The following PTPRZ1 variants were observed in gnomAD, a reference collection of about 807,000 sequenced individuals.
PTPRZ1 encodes protein tyrosine phosphatase receptor type Z1.
PTPRZ1 carries 82 observed loss-of-function variants against 214.1 expected under a neutral mutation model. That is an observed-to-expected ratio of 0.38 (90% CI 0.32 to 0.46). The LOEUF is 0.46. PTPRZ1 is among the 20% of genes least tolerant of loss of function. The pLI is 1.00. For synonymous variants in PTPRZ1, 945 were observed against 987.9 expected (o/e 0.96, Z 0.81); for missense variants, 2,603 against 2,748.7 (o/e 0.95, Z 1.19).
intron 9 of PTPRZ1, among the ~76,000 whole-genome samples, chr7:121,997,423 T>C (rs767019207): frequency 1.3e-5 from 2 of 152,190 alleles, no homozygotes; most frequent in Non-Finnish European, 2.9e-5. Context: ...GTGAAATAAA[T>C]AGTAATAAAA....
At chr7:121,896,835 A>T (rs1305260423) in intron 1 of PTPRZ1, among the ~76,000 whole-genome samples, 2 of 152,062 alleles carry the variant, frequency 1.3e-5, no homozygotes, top group South Asian at 2.1e-4. Context: ...TCACAGAAAA[A>T]TAAATACTGT....
At chr7:121,927,428 T>A (rs1795798050) in intron 1 of PTPRZ1, among the ~76,000 whole-genome samples, 1 of 152,226 alleles carries the variant, frequency 6.6e-6, no homozygotes, top group Non-Finnish European at 1.5e-5. Flanking sequence ...TTTTGAATTA[T>A]GCAGAGTGAG....
At chr7:121,958,338 G>A (rs1796773636) in intron 2 of PTPRZ1, among the ~76,000 whole-genome samples, 2 of 152,146 alleles carry the variant, frequency 1.3e-5, no homozygotes, top group Admixed American at 1.3e-4. Context: ...GATACTCATT[G>A]TTGAAACCAT....
rs1293537425 is a variant in PTPRZ1 at position 121,970,599 on chromosome 7, T to C, written c.305-1942T>C. Among the ~76,000 whole-genome samples, 11 of 152,340 alleles carry C rather than the reference T, an allele frequency of 7.2e-5. No homozygotes were observed. In the East Asian group the frequency reaches 2.1e-3, roughly 29 times the overall value. ...GTGTCTGTTGGCTGCATAAATGTCT[T>C]CTTTTGAGAAGTGTCTGTTTATATC... On this transcript the variant is annotated intron_variant, in intron 3 of 29. Coordinates refer to ENST00000393386, the MANE Select transcript of PTPRZ1 (RefSeq NM_002851.3).
chr7:122,043,934 A>C (rs141463860), intron 22 of PTPRZ1, among the ~76,000 whole-genome samples: 1 of 152,206 alleles, frequency 6.6e-6, no homozygotes, highest in African/African-American at 2.4e-5. Context: ...AAAAAATAAC[A>C]TTCTGGTCAT....
At chr7:121,989,326 C>A (rs1797869524) in intron 8 of PTPRZ1, among the ~76,000 whole-genome samples, 1 of 150,986 alleles carries the variant, frequency 6.6e-6, no homozygotes, top group Non-Finnish European at 1.5e-5. Context: ...ACTCAATAAG[C>A]ATTTATTATC....
At chr7:121,980,616 G>A (rs976733856) in intron 6 of PTPRZ1, among the ~76,000 whole-genome samples, 4 of 152,220 alleles carry the variant, frequency 2.6e-5, no homozygotes, top group African/African-American at 9.6e-5. Context: ...CTAAGATTCA[G>A]TTGTTAATTC....
intron 1 of PTPRZ1, among the ~76,000 whole-genome samples, chr7:121,920,949 C>T (rs1024052048): frequency 6.6e-6 from 1 of 151,956 alleles, no homozygotes; most frequent in South Asian, 2.1e-4. Flanking sequence ...TAAGTAAAGT[C>T]CAAATTTATT....
chr7:122,059,994 C>A, intron 29 of PTPRZ1, 106 bp downstream of exon 29: 1 of 1,110,164 alleles, frequency 9.0e-7, no homozygotes, highest in Non-Finnish European at 1.3e-6. Flanking sequence ...TAACTGATAA[C>A]ATTAGTATGT....
Position 122,028,619 on chromosome 7 carries a change from C to T in PTPRZ1, c.5056C>T (p.Pro1686Ser). The T allele has an allele frequency of 6.5e-7, 1 of 1,539,606 alleles. No homozygotes were observed. Among genetic ancestry groups the T allele is most frequent in the South Asian group, 1.1e-5 (1 of 89,530 alleles). The change falls in exon 14 of 30, where the codon CCA becomes TCA. Residue 1686 changes from proline to serine, a missense_variant. Around this residue, in one of 6 missense-constraint regions of PTPRZ1, gnomAD observed 1,913 missense variants for 1,914.3 expected, o/e 1.00. Transcript: ENST00000393386. ...ATCCCCTAGAGTTATATCCACACCTCCAACACCTATCTTTCCAATTTCAGG... is the reference window on the plus strand; with the variant it reads ...ATCCCCTAGAGTTATATCCACACCTTCAACACCTATCTTTCCAATTTCAGG... ...STSPRVISTP[P>S]TPIFPISDDV...
chr7:121,967,830 A>C, intron 2 of PTPRZ1, 121 bp from the exon 3 acceptor site: 1 of 686,134 alleles, frequency 1.5e-6, no homozygotes, highest in Non-Finnish European at 2.4e-6. Context: ...ATTAGTTCAA[A>C]GATGTCAAAC....
chr7:122,059,655 C>A, intron 28 of PTPRZ1, 98 bp from the exon 29 acceptor site: 2 of 1,335,250 alleles, frequency 1.5e-6, no homozygotes, highest in Non-Finnish European at 2.0e-6. Context: ...TCAGTGTTTT[C>A]ACTGCAAAGT....
intron 3 of PTPRZ1, 67 bp downstream of exon 3, chr7:121,968,197 T>G (rs1797102350): frequency 7.3e-7 from 1 of 1,377,674 alleles, no homozygotes; most frequent in South Asian, 1.5e-5. Context: ...TAGACTAGTT[T>G]CATCTCATTT....
At chr7:122,051,595 T>G (rs1305007711) in intron 24 of PTPRZ1, 74 bp downstream of exon 24, 1 of 1,289,032 alleles carries the variant, frequency 7.8e-7, no homozygotes, top group African/African-American at 1.5e-5. Context: ...TGGCAATATT[T>G]GTATACCTTT....
intron 3 of PTPRZ1, among the ~76,000 whole-genome samples, chr7:121,968,506 A>T (rs1358433529): frequency 2.0e-5 from 3 of 152,102 alleles, no homozygotes; most frequent in African/African-American, 7.2e-5. Flanking sequence ...CAGTATTTGG[A>T]TATGAAAAAA....
chr7:121,972,527 A>G lies in PTPRZ1; in HGVS notation c.305-14A>G, dbSNP rs1797286044. On this transcript the variant is annotated splice_polypyrimidine_tract_variant and intron_variant, in intron 3 of 29. Transcript: ENST00000393386. ...TTTTCAGAAGCTTAGGTGCAATTGT[A>G]TTTCTTTTTTTAGTGGAAATTAATC... The G allele has an allele frequency of 1.3e-6, 2 of 1,584,472 alleles. No homozygotes were observed. The highest frequency in any genetic ancestry group is 1.7e-6 in the Non-Finnish European group (2 of 1,168,594).
At chr7:122,052,523 C>T (rs1048914901) in intron 25 of PTPRZ1, among the ~76,000 whole-genome samples, 17 of 152,250 alleles carry the variant, frequency 1.1e-4, no homozygotes, top group African/African-American at 4.1e-4. Context: ...TATTCCAAAA[C>T]CTCTGTTCTA....
chr7:121,990,703 A>G (rs1234760657), intron 8 of PTPRZ1, among the ~76,000 whole-genome samples: 1 of 151,894 alleles, frequency 6.6e-6, no homozygotes, highest in Non-Finnish European at 1.5e-5. Flanking sequence ...TATTTTTAGC[A>G]GAGACGGGGT....
intron 2 of PTPRZ1, among the ~76,000 whole-genome samples, chr7:121,928,817 A>G (rs1795842077): frequency 6.6e-6 from 1 of 152,200 alleles, no homozygotes; most frequent in Non-Finnish European, 1.5e-5. Flanking sequence ...AAATAGTTAC[A>G]ACCAAAAATC....
Sources: gnomAD v4.1 joint callset for allele counts (sites outside exome capture counted in the v4.1 genomes callset) on GRCh38, gnomAD v4.1.1 for gene constraint, gnomAD v4.1.1 regional missense constraint, MANE v1.5 for transcripts, NCBI Gene and HGNC (gene_info 2026-07-23, HGNC 2026-07-21) for gene names.